The following ENPP6 variants were observed in gnomAD, a reference collection of about 807,000 sequenced individuals.
The protein encoded by ENPP6 is ectonucleotide pyrophosphatase/phosphodiesterase 6.
A neutral mutation model predicts 42.0 loss-of-function variants in ENPP6; 32 were observed. That is an observed-to-expected ratio of 0.76 (90% confidence interval 0.58 to 1.02). ENPP6 has a LOEUF of 1.02. Among genes scored for constraint, ENPP6 ranks in the 50% least tolerant of loss-of-function variants. The pLI, the probability that ENPP6 is intolerant of heterozygous loss-of-function variation, is 0.00. For synonymous variants in ENPP6, 213 were observed against 216.0 expected, an observed-to-expected ratio of 0.99 and a Z score of 0.12; for missense variants, 552 against 566.8, an observed-to-expected ratio of 0.97 and a Z score of 0.27.
At chr4:184,139,244 C>T (rs918953361) in intron 2 of ENPP6, among the ~76,000 whole-genome samples, 4 of 151,998 alleles carry the variant, frequency 2.6e-5, no homozygotes, top group African/African-American at 9.7e-5. Flanking sequence ...CAATAAATGA[C>T]AATGGCAAAG....
At chr4:184,127,534 C>G (rs74628600) in intron 2 of ENPP6, among the ~76,000 whole-genome samples, 1 of 152,108 alleles carries the variant, frequency 6.6e-6, no homozygotes, top group Non-Finnish European at 1.5e-5. Context: ...AATAAAAAAG[C>G]AAGACCTGAG....
At chr4:184,214,791 T>C (rs918017568) in intron 1 of ENPP6, among the ~76,000 whole-genome samples, 1 of 152,004 alleles carries the variant, frequency 6.6e-6, no homozygotes, top group African/African-American at 2.4e-5. Flanking sequence ...TGAGAACACA[T>C]GGACACAGGG....
At chr4:184,124,899 A>T (rs1736476749) in intron 2 of ENPP6, among the ~76,000 whole-genome samples, 1 of 152,102 alleles carries the variant, frequency 6.6e-6, no homozygotes, top group South Asian at 2.1e-4. Flanking sequence ...TCTGCCCCAG[A>T]CTCCTGGACA....
intron 2 of ENPP6, among the ~76,000 whole-genome samples, chr4:184,141,854 T>A (rs1395054880): frequency 1.3e-5 from 2 of 152,346 alleles, no homozygotes; most frequent in African/African-American, 4.8e-5. Flanking sequence ...ATACACTTAT[T>A]TTTTTATAAC....
intron 5 of ENPP6, among the ~76,000 whole-genome samples, chr4:184,113,927 CT>C (rs1230374422): frequency 7.4e-6 from 1 of 135,970 alleles, no homozygotes; most frequent in East Asian, 2.0e-4. Context: ...TTCTTTCTTT[CT>C]TTCTTTCTTT....
intron 1 of ENPP6, among the ~76,000 whole-genome samples, chr4:184,165,483 G>A (rs1737333397): frequency 6.6e-6 from 1 of 152,176 alleles, no homozygotes. Context: ...GTTCACCAGG[G>A]CTTGCCGTTT....
chr4:184,195,196 T>A (rs7660649), intron 1 of ENPP6, among the ~76,000 whole-genome samples: 54,163 of 151,986 alleles, frequency 0.36, 10,512 homozygotes, highest in African/African-American at 0.48. Flanking sequence ...TTGTGTCACG[T>A]GGGTTTGTTG....
At chr4:184,120,951 C>G (rs1736406089) in intron 3 of ENPP6, among the ~76,000 whole-genome samples, 1 of 152,198 alleles carries the variant, frequency 6.6e-6, no homozygotes, top group African/African-American at 2.4e-5. Flanking sequence ...CAGGAGGCCT[C>G]CAGAGTCTGA....
At chr4:184,153,120 T>A (rs1483253911) in intron 2 of ENPP6, among the ~76,000 whole-genome samples, 2 of 118,518 alleles carry the variant, frequency 1.7e-5, no homozygotes, top group Admixed American at 1.8e-4. Context: ...AAGACATATT[T>A]CTTTTCTTTT....
At chr4:184,113,920 T>TTTCTTTCTTTCTTTCTTTCC (rs1560981882) in intron 5 of ENPP6, among the ~76,000 whole-genome samples, 105 of 136,610 alleles carry the variant, frequency 7.7e-4, no homozygotes, top group Non-Finnish European at 8.4e-4. Flanking sequence ...TCTTTCTTTC[T>TTTCTTTCTTTCTTTCTTTCC]TTCTTTCTTT....
intron 1 of ENPP6, among the ~76,000 whole-genome samples, chr4:184,196,931 C>A (rs1051922753): frequency 2.0e-5 from 3 of 152,090 alleles, no homozygotes; most frequent in Admixed American, 2.0e-4. Context: ...ACTTTCAAGA[C>A]CCCCCCACAG....
chr4:184,186,557 G>A (rs1428712625), intron 1 of ENPP6, among the ~76,000 whole-genome samples: 1 of 152,174 alleles, frequency 6.6e-6, no homozygotes, highest in Non-Finnish European at 1.5e-5. Flanking sequence ...GGAGGTTCTA[G>A]AAGGTGAGGT....
intron 1 of ENPP6, among the ~76,000 whole-genome samples, chr4:184,165,976 C>T (rs986357423): frequency 6.6e-6 from 1 of 152,208 alleles, no homozygotes; most frequent in African/African-American, 2.4e-5. Flanking sequence ...GATTAGTGAA[C>T]TTTCATATAA....
intron 2 of ENPP6, among the ~76,000 whole-genome samples, chr4:184,152,953 C>T (rs188167410): frequency 3.4e-5 from 5 of 148,224 alleles, no homozygotes; most frequent in Middle Eastern, 3.5e-3. Context: ...AGCAAGTAAG[C>T]ACCCTATAAT....
intron 1 of ENPP6, among the ~76,000 whole-genome samples, chr4:184,171,556 C>T (rs1198906317): frequency 1.3e-5 from 2 of 152,152 alleles, no homozygotes; most frequent in African/African-American, 4.8e-5. Flanking sequence ...TATGATCTGC[C>T]ACCATGAGAA....
intron 1 of ENPP6, among the ~76,000 whole-genome samples, chr4:184,206,386 T>C (rs1374429898): frequency 1.9e-5 from 2 of 105,808 alleles, no homozygotes; most frequent in Non-Finnish European, 1.9e-5. Flanking sequence ...GCCTCCCGAG[T>C]AGCTGGGACT....
intron 1 of ENPP6, among the ~76,000 whole-genome samples, chr4:184,171,787 A>ATT (rs34370676): frequency 2.9e-4 from 43 of 147,724 alleles, no homozygotes; most frequent in Middle Eastern, 6.8e-3. Context: ...AAACACATTG[A>ATT]TTTTTTTTTT....
chr4:184,143,765 G>T (rs763557691), intron 2 of ENPP6, among the ~76,000 whole-genome samples: 2 of 152,212 alleles, frequency 1.3e-5, no homozygotes, highest in Non-Finnish European at 2.9e-5. Context: ...ATTTCTGCGC[G>T]CCTCGCAGTG....
At chr4:184,162,547 A>AGGAGG (rs1553998036) in intron 1 of ENPP6, among the ~76,000 whole-genome samples, 1 of 34,524 alleles carries the variant, frequency 2.9e-5, no homozygotes, top group African/African-American at 4.8e-5. Flanking sequence ...GAGGGAGGGA[A>AGGAGG]GAAGGAAGGA....
Sources: allele counts gnomAD v4.1 joint callset (sites outside exome capture counted in the v4.1 genomes callset), GRCh38; gene constraint gnomAD v4.1.1; transcripts MANE v1.5; gene names NCBI Gene and HGNC (gene_info 2026-07-23, HGNC 2026-07-21).